The following IQGAP2 variants were observed in gnomAD, a reference collection of about 807,000 sequenced individuals.
IQGAP2 encodes IQ motif containing GTPase activating protein 2, also known as ras GTPase-activating-like protein IQGAP2.
A neutral mutation model predicts 201.3 loss-of-function variants in IQGAP2; 173 were observed. The ratio of observed to expected loss-of-function variants is 0.86; its 90% CI spans 0.76 to 0.98. The LOEUF is 0.98. IQGAP2 is among the 50% of genes least tolerant of loss of function. The probability of loss-of-function intolerance (pLI) is 0.00; values close to 1 mark genes in which losing one functional copy is unlikely to be tolerated. For synonymous variants in IQGAP2, 675 were observed against 673.9 expected (o/e 1.00, Z -0.03); for missense variants, 1,687 against 1,864.8 (o/e 0.90, Z 1.76).
chr5:76,416,606 C>T (rs1006834104), intron 1 of IQGAP2, among the ~76,000 whole-genome samples: 3 of 151,086 alleles, frequency 2.0e-5, no homozygotes, highest in African/African-American at 7.4e-5. Context: ...TGGCTCACTG[C>T]AGTCTCCGCC....
chr5:76,678,034 C>T (rs564227794), intron 28 of IQGAP2, among the ~76,000 whole-genome samples: 1 of 152,162 alleles, frequency 6.6e-6, no homozygotes, highest in Admixed American at 6.5e-5. Flanking sequence ...CAAAGCTATG[C>T]TATGTAGACC....
At chr5:76,617,274 G>T (rs753600254) in intron 13 of IQGAP2, 1 of 225,842 alleles carries the variant, frequency 4.4e-6, no homozygotes, top group South Asian at 8.4e-5. Context: ...GTGAAACCCC[G>T]TCTCTACTAA....
chr5:76,422,374 G>C (rs1751774071), intron 1 of IQGAP2, among the ~76,000 whole-genome samples: 1 of 152,226 alleles, frequency 6.6e-6, no homozygotes, highest in Non-Finnish European at 1.5e-5. Flanking sequence ...GACTGAGGTA[G>C]ATCCAGGACT....
intron 35 of IQGAP2, among the ~76,000 whole-genome samples, chr5:76,702,908 T>C (rs1747536927): frequency 6.6e-6 from 1 of 152,136 alleles, no homozygotes; most frequent in Non-Finnish European, 1.5e-5. Flanking sequence ...TTTCCTTTTA[T>C]TGGAAACTTG....
intron 2 of IQGAP2, among the ~76,000 whole-genome samples, chr5:76,539,416 C>T (rs963107577): frequency 6.6e-6 from 1 of 152,208 alleles, no homozygotes; most frequent in African/African-American, 2.4e-5. Context: ...CAAGTTCCCC[C>T]TACTCCCTGA....
At chr5:76,705,227 C>A (rs1281171400) in intron 35 of IQGAP2, among the ~76,000 whole-genome samples, 1 of 152,150 alleles carries the variant, frequency 6.6e-6, no homozygotes, top group Non-Finnish European at 1.5e-5. Context: ...CACTGCCTGT[C>A]TCATAGGATT....
intron 2 of IQGAP2, among the ~76,000 whole-genome samples, chr5:76,503,919 C>G (rs1757440858): frequency 6.6e-6 from 1 of 152,162 alleles, no homozygotes; most frequent in Non-Finnish European, 1.5e-5. Flanking sequence ...TTAGGCCAGA[C>G]AGATATTCAT....
At chr5:76,644,326 GTCT>G (rs1259091594) in intron 17 of IQGAP2, among the ~76,000 whole-genome samples, 1 of 35,634 alleles carries the variant, frequency 2.8e-5, no homozygotes, top group East Asian at 6.2e-4. Context: ...TTGAGACAGA[GTCT>G]TGCTCTGTCG....
intron 1 of IQGAP2, among the ~76,000 whole-genome samples, chr5:76,460,866 T>A (rs1334044284): frequency 1.4e-5 from 1 of 72,214 alleles, no homozygotes; most frequent in Non-Finnish European, 3.3e-5. Flanking sequence ...ACTGCTTTTT[T>A]TTTTTTTTTT....
In IQGAP2 at chr5:76,406,829, T is replaced by TTC. The variant is rs5868825; in HGVS notation, c.46+3238_46+3239insTC. Among the ~76,000 whole-genome samples, 20 of 46,740 alleles carry TTC rather than the reference T, an allele frequency of 4.3e-4. No homozygotes were observed. In the East Asian group the frequency reaches 0.011, roughly 26 times the overall value. The allele number at this position is 46,740 out of a possible 152,430, so 30.7% of individuals were successfully genotyped here. On this transcript the variant is annotated intron_variant, in intron 1 of 35. Transcript: ENST00000274364. Reference sequence around the variant, plus strand: ...AGGCAAGAACTGTGGTTTTCTACACTACAAGATTCAGAGCCTTCCTTTCAT... The same window carrying TTC: ...AGGCAAGAACTGTGGTTTTCTACACTTCACAAGATTCAGAGCCTTCCTTTCAT...
At chr5:76,652,539 C>G (rs1323604008) in intron 17 of IQGAP2, among the ~76,000 whole-genome samples, 1 of 152,142 alleles carries the variant, frequency 6.6e-6, no homozygotes, top group East Asian at 1.9e-4. Flanking sequence ...CTCTGCTGTC[C>G]TAAGCTTAGA....
intron 16 of IQGAP2, among the ~76,000 whole-genome samples, chr5:76,639,156 A>G (rs761000161): frequency 1.3e-4 from 20 of 152,218 alleles, no homozygotes; most frequent in Non-Finnish European, 8.8e-5. Flanking sequence ...TTATCCTCTA[A>G]GTAGAGATAG....
chr5:76,623,546 A>G (rs569313077), intron 13 of IQGAP2: 28 of 270,740 alleles, frequency 1.0e-4, no homozygotes, highest in African/African-American at 4.4e-4. Flanking sequence ...CCCCTAGTAG[A>G]TTTGCTTTTA....
chr5:76,681,451 A>G (rs890334864), intron 28 of IQGAP2, among the ~76,000 whole-genome samples: 2 of 152,126 alleles, frequency 1.3e-5, no homozygotes, highest in Non-Finnish European at 2.9e-5. Flanking sequence ...GATGGTCAGC[A>G]TCACTAATAA....
At chr5:76,594,957 C>G in intron 9 of IQGAP2, among the ~76,000 whole-genome samples, 1 of 148,206 alleles carries the variant, frequency 6.7e-6, no homozygotes, top group Non-Finnish European at 1.5e-5. Context: ...TAGTGTGAGA[C>G]TCCATCTCAA....
intron 17 of IQGAP2, among the ~76,000 whole-genome samples, chr5:76,643,812 C>A (rs1561543566): frequency 6.6e-6 from 1 of 152,122 alleles, no homozygotes; most frequent in Non-Finnish European, 1.5e-5. Flanking sequence ...GAAGGAACTT[C>A]ACTTCGCCAG....
intron 2 of IQGAP2, among the ~76,000 whole-genome samples, chr5:76,541,275 A>C (rs1330964969): frequency 4.6e-5 from 7 of 152,088 alleles, no homozygotes; most frequent in Admixed American, 3.9e-4. Context: ...AAGTGGAATC[A>C]TAGAATATGT....
chr5:76,448,139 A>T (rs1226271995), intron 1 of IQGAP2, among the ~76,000 whole-genome samples: 1 of 152,158 alleles, frequency 6.6e-6, no homozygotes, highest in Non-Finnish European at 1.5e-5. Context: ...GCCATGTGTC[A>T]TCTGTGATCT....
At chr5:76,604,884 C>T (rs3797387) in intron 11 of IQGAP2, among the ~76,000 whole-genome samples, 83,857 of 152,004 alleles carry the variant, frequency 0.55, 24,535 homozygotes, top group African/African-American at 0.75. Flanking sequence ...TGGAAGACAC[C>T]GCATGTCACC....
Sources: gnomAD v4.1 joint callset for allele counts (sites outside exome capture counted in the v4.1 genomes callset) on GRCh38, gnomAD v4.1.1 for gene constraint, MANE v1.5 for transcripts, NCBI Gene and HGNC (gene_info 2026-07-23, HGNC 2026-07-21) for gene names.